The following MACROD2 variants were observed in gnomAD, a reference collection of about 807,000 sequenced individuals.
MACROD2 encodes mono-ADP ribosylhydrolase 2, also known as ADP-ribose glycohydrolase MACROD2.
A neutral mutation model predicts 70.4 loss-of-function variants in MACROD2; 36 were observed. The observed-to-expected ratio is 0.51, with a 90% CI of 0.39 to 0.68. The LOEUF is 0.68. Among genes scored for constraint, MACROD2 ranks in the 30% least tolerant of loss-of-function variants. The pLI is 0.00. For missense variants in MACROD2, 496 were observed against 538.4 expected (o/e 0.92, Z 0.78); for synonymous variants, 172 against 178.8 (o/e 0.96, Z 0.30).
At chr20:14,084,125 A>G (rs1047587283) in intron 2 of MACROD2, among the ~76,000 whole-genome samples, 13 of 151,122 alleles carry the variant, frequency 8.6e-5, no homozygotes, top group African/African-American at 3.2e-4. Flanking sequence ...TAAGAAGGGA[A>G]TGCTTTATAG....
At chr20:15,351,216 C>T (rs184000175) in intron 6 of MACROD2, among the ~76,000 whole-genome samples, 1 of 152,150 alleles carries the variant, frequency 6.6e-6, no homozygotes, top group Non-Finnish European at 1.5e-5. Flanking sequence ...CAACAACACC[C>T]CTAAATCTCT....
chr20:15,162,801 C>A (rs1160626322), intron 5 of MACROD2, among the ~76,000 whole-genome samples: 2 of 152,146 alleles, frequency 1.3e-5, no homozygotes, highest in Middle Eastern at 3.4e-3. Flanking sequence ...TCAACAAGTT[C>A]TTCCTAATAT....
At chr20:14,114,100 A>G (rs2054486787) in intron 3 of MACROD2, among the ~76,000 whole-genome samples, 1 of 152,166 alleles carries the variant, frequency 6.6e-6, no homozygotes, top group Non-Finnish European at 1.5e-5. Context: ...AAGCTCACAA[A>G]TCTATGTCTT....
intron 15 of MACROD2, among the ~76,000 whole-genome samples, chr20:16,024,399 ATACAG>A (rs2067047495): frequency 6.6e-6 from 1 of 152,176 alleles, no homozygotes; most frequent in Non-Finnish European, 1.5e-5. Flanking sequence ...AAACAATGAA[ATACAG>A]TAGTAACAAA....
intron 5 of MACROD2, among the ~76,000 whole-genome samples, chr20:14,743,241 A>T (rs781295292): frequency 5.9e-5 from 9 of 152,124 alleles, no homozygotes; most frequent in South Asian, 2.1e-4. Context: ...TCCTTCCAAG[A>T]TGTCCACACC....
intron 5 of MACROD2, among the ~76,000 whole-genome samples, chr20:14,873,885 A>C (rs1005091801): frequency 1.3e-5 from 2 of 152,116 alleles, no homozygotes; most frequent in Admixed American, 1.3e-4. Flanking sequence ...ATAAAAATAA[A>C]ATAATAAAAT....
At chr20:14,493,405 C>T (rs2084816057) in intron 3 of MACROD2, 74 bp from the exon 4 acceptor site, 4 of 1,280,362 alleles carry the variant, frequency 3.1e-6, no homozygotes, top group African/African-American at 3.0e-5. Flanking sequence ...TTAGCTTTAT[C>T]TTGAATTACT....
intron 6 of MACROD2, among the ~76,000 whole-genome samples, chr20:15,379,112 A>G (rs1449108048): frequency 6.6e-6 from 1 of 152,214 alleles, no homozygotes; most frequent in African/African-American, 2.4e-5. Context: ...TTATTGAAAC[A>G]CATTGTTACA....
At chr20:14,631,725 G>C (rs959115546) in intron 4 of MACROD2, 1 of 152,226 alleles carries the variant, frequency 6.6e-6, no homozygotes, top group Admixed American at 6.5e-5. Flanking sequence ...AGTGAGCCGA[G>C]ATTGCGCCAC....
chr20:15,391,281 G>C (rs1341575734), intron 6 of MACROD2, among the ~76,000 whole-genome samples: 3 of 152,214 alleles, frequency 2.0e-5, no homozygotes, highest in Admixed American at 1.3e-4. Flanking sequence ...TTGCTTTTGT[G>C]TGCTGCCTTT....
At chr20:15,277,334 G>A (rs1028307954) in intron 6 of MACROD2, among the ~76,000 whole-genome samples, 1 of 152,204 alleles carries the variant, frequency 6.6e-6, no homozygotes, top group African/African-American at 2.4e-5. Context: ...CGACCTGCCT[G>A]TGATCCATTT....
chr20:15,280,587 G>A (rs879344552), intron 6 of MACROD2, among the ~76,000 whole-genome samples: 23 of 152,166 alleles, frequency 1.5e-4, no homozygotes, highest in African/African-American at 3.9e-4. Flanking sequence ...AGGCTGCTAC[G>A]TGTACCAGCT....
chr20:14,099,413 A>C (rs1184154238), intron 3 of MACROD2, among the ~76,000 whole-genome samples: 1 of 152,146 alleles, frequency 6.6e-6, no homozygotes, highest in East Asian at 1.9e-4. Flanking sequence ...TTTGTATTTC[A>C]GGTAAATTGA....
At chr20:15,998,622 T>C (rs1333017510) in intron 15 of MACROD2, among the ~76,000 whole-genome samples, 1 of 148,470 alleles carries the variant, frequency 6.7e-6, no homozygotes, top group Non-Finnish European at 1.5e-5. Context: ...TGGAGTGCAG[T>C]GGTGTGATCT....
chr20:14,912,844 G>A (rs117427003), intron 5 of MACROD2, among the ~76,000 whole-genome samples: 4,245 of 152,280 alleles, frequency 0.028, 86 homozygotes, highest in Middle Eastern at 0.075. Flanking sequence ...GTATGAAAGA[G>A]ACCTGTCAGG....
intron 12 of MACROD2, among the ~76,000 whole-genome samples, chr20:15,961,653 G>T (rs909078029): frequency 2.0e-5 from 3 of 152,162 alleles, no homozygotes; most frequent in Admixed American, 1.3e-4. Flanking sequence ...TCCTAAGAAG[G>T]TTCTTTCAGT....
At chr20:15,448,516 C>A (rs917382445) in intron 7 of MACROD2, among the ~76,000 whole-genome samples, 3 of 152,202 alleles carry the variant, frequency 2.0e-5, no homozygotes, top group African/African-American at 7.2e-5. Context: ...GTTTTCCTCA[C>A]CGTTATGTCC....
chr20:14,861,977 A>ATATATATATATATATTTATATATATATT (rs1600734447), intron 5 of MACROD2, among the ~76,000 whole-genome samples: 1 of 17,002 alleles, frequency 5.9e-5, no homozygotes, highest in Non-Finnish European at 1.6e-4. Context: ...TTATATATAA[A>ATATATATATATATATTTATATATATATT]TATATATATA....
intron 5 of MACROD2, among the ~76,000 whole-genome samples, chr20:15,144,826 G>A (rs1375448182): frequency 1.3e-5 from 2 of 152,170 alleles, no homozygotes; most frequent in Non-Finnish European, 2.9e-5. Flanking sequence ...TGTCCTGGAA[G>A]AGTGGTTCTA....
Sources: allele counts gnomAD v4.1 joint callset (sites outside exome capture counted in the v4.1 genomes callset), GRCh38; gene constraint gnomAD v4.1.1; transcripts MANE v1.5; gene names NCBI Gene and HGNC (gene_info 2026-07-23, HGNC 2026-07-21).